The following MACC1 variants were observed in gnomAD, a reference collection of about 807,000 sequenced individuals.
The protein encoded by MACC1 is MET transcriptional regulator MACC1.
MACC1 carries 79 observed loss-of-function variants against 70.7 expected under a neutral mutation model. The ratio of observed to expected loss-of-function variants is 1.12; its 90% CI spans 0.93 to 1.35. The LOEUF (loss-of-function observed/expected upper bound fraction) is 1.35, where lower values mean the gene tolerates loss of function less well. MACC1 is among the 40% of genes most tolerant of loss of function. MACC1 has a pLI of 0.00. For synonymous variants in MACC1, 361 were observed against 347.2 expected, an observed-to-expected ratio of 1.04 and a Z score of -0.44; for missense variants, 1,106 against 978.1, an observed-to-expected ratio of 1.13 and a Z score of -1.74.
rs186887951 is a variant in MACC1, at chr7:20,199,554, C to G, written c.-218+17745G>C. Among the ~76,000 whole-genome samples, 755 of 152,304 alleles carry G rather than the reference C, an allele frequency of 5.0e-3. 3 individuals are homozygous for G. Among genetic ancestry groups the G allele is most frequent in the African/African-American group, 0.018 (729 of 41,566 alleles). On this transcript the variant is annotated intron_variant, in intron 1 of 6. Coordinates refer to ENST00000400331, the MANE Select transcript of MACC1 (RefSeq NM_182762.4). ...CCTCTCCAACACCACTATCCTCCAC[C>G]CACACCCTTGTCACATAATCATCAG...
intron 2 of MACC1, among the ~76,000 whole-genome samples, chr7:20,166,009 A>G (rs1406857265): frequency 6.6e-6 from 1 of 152,206 alleles, no homozygotes; most frequent in Admixed American, 6.5e-5. Context: ...TGTTTGGAAT[A>G]AGTAACCAAG....
At chr7:20,164,893 C>CTTT (rs5882730) in intron 2 of MACC1, among the ~76,000 whole-genome samples, 128 of 148,806 alleles carry the variant, frequency 8.6e-4, no homozygotes, top group African/African-American at 2.3e-3. Flanking sequence ...TACCTAAACT[C>CTTT]TTTTTTTTTT....
At chr7:20,161,672 T>C in intron 4 of MACC1, 76 bp downstream of exon 4, 1 of 825,542 alleles carries the variant, frequency 1.2e-6, no homozygotes, top group East Asian at 2.5e-5. Context: ...TTTTCAGAGG[T>C]AGACCTTCAA....
chr7:20,172,103 C>A (rs755827469), intron 1 of MACC1, among the ~76,000 whole-genome samples: 8 of 152,208 alleles, frequency 5.3e-5, no homozygotes, highest in African/African-American at 2.4e-5. Context: ...AGTTCTCCCA[C>A]ACAATCTTCA....
At chr7:20,204,578 A>G (rs950045109) in intron 1 of MACC1, among the ~76,000 whole-genome samples, 5 of 152,216 alleles carry the variant, frequency 3.3e-5, no homozygotes, top group African/African-American at 1.2e-4. Context: ...CACTTCCCAC[A>G]TAACTGATCA....
At position 20,140,882 on chromosome 7, in the gene MACC1, C is replaced by CAG. The variant is rs1781789373; in HGVS notation, c.*62_*63dup. ...ACACAGAGACACACACAGACACACA[C>CAG]AGACACACACACACACACACCATTA... On this transcript the variant is annotated 3_prime_UTR_variant, in exon 7 of 7. Transcript: ENST00000400331. 8.8e-6 allele frequency: 8 copies of CAG among 910,940 alleles called. No individual in the cohort carries two copies. The highest frequency in any genetic ancestry group is 5.4e-5 in the Admixed American group (2 of 37,342). 56.4% of individuals were successfully genotyped at this position (910,940 alleles called of 1,614,324 possible).
At chr7:20,188,984 G>A (rs762107164) in intron 1 of MACC1, among the ~76,000 whole-genome samples, 10 of 152,076 alleles carry the variant, frequency 6.6e-5, no homozygotes, top group Non-Finnish European at 1.0e-4. Context: ...ATCATCTCAC[G>A]TAGACTCTAG....
rs770888163 is a variant in MACC1, at chr7:20,140,826, GACAC to G, written c.*116_*119del. On this transcript the variant is annotated 3_prime_UTR_variant, in exon 7 of 7. Transcript: ENST00000400331. ...CTACACACACACACACACACACACA[GACAC>G]ACACACACAGACACACACACACAGA... 7 of 535,028 alleles carry G rather than the reference GACAC, an allele frequency of 1.3e-5. No individual in the cohort carries two copies. Among genetic ancestry groups the G allele is most frequent in the Non-Finnish European group, 2.1e-5 (7 of 329,776 alleles). The allele number at this position is 535,028 out of a possible 1,614,324, so 33.1% of individuals were successfully genotyped here. A position where few individuals can be genotyped will look rare whatever the true frequency, so the allele number is the denominator to read the frequency against.
chr7:20,136,935 TATA>T lies in MACC1; in HGVS notation c.*4008_*4010del, dbSNP rs1781727015. ...AAGATTATTAATTATAATATTAAAT[TATA>T]ATTATTAATTCTTAAAGATTATGAA... On this transcript the variant is annotated 3_prime_UTR_variant, in exon 7 of 7. Coordinates refer to ENST00000400331, the MANE Select transcript of MACC1 (RefSeq NM_182762.4). 1.4e-5 allele frequency: 2 copies of T among 148,074 alleles called. No homozygotes were observed. The highest frequency in any genetic ancestry group is 4.9e-5 in the African/African-American group (2 of 40,878). The allele number at this position is 148,074 out of a possible 1,614,324, so 9.2% of individuals were successfully genotyped here. A position where few individuals can be genotyped will look rare whatever the true frequency, so the allele number is the denominator to read the frequency against.
At chr7:20,196,382 G>A (rs887527281) in intron 1 of MACC1, among the ~76,000 whole-genome samples, 1 of 151,854 alleles carries the variant, frequency 6.6e-6, no homozygotes, top group Non-Finnish European at 1.5e-5. Context: ...GGGTTTCACC[G>A]TGTTAGCCAG....
Position 20,177,532 on chromosome 7 carries a change from T to A in MACC1, c.-217-6754A>T, listed in dbSNP as rs116033329. Among the ~76,000 whole-genome samples the A allele has an allele frequency of 4.0e-3, 608 of 152,222 alleles. 3 individuals carry two copies. The highest frequency in any genetic ancestry group is 0.014 in the African/African-American group (579 of 41,578). On this transcript the variant is annotated intron_variant, in intron 1 of 6. Coordinates refer to ENST00000400331, the MANE Select transcript of MACC1 (RefSeq NM_182762.4). Reference sequence around the variant, plus strand: ...TTTCTTAGGATTTTTTCTTTGTTTTTCTCTGGTGTTTCTCTTTATCCCTAT... The same window carrying A: ...TTTCTTAGGATTTTTTCTTTGTTTTACTCTGGTGTTTCTCTTTATCCCTAT...
chr7:20,167,169 C>T (rs1457825168), intron 2 of MACC1, among the ~76,000 whole-genome samples: 1 of 151,798 alleles, frequency 6.6e-6, no homozygotes, highest in Non-Finnish European at 1.5e-5. Flanking sequence ...GTTGGCTCTA[C>T]CATCATCCTT....
At chr7:20,170,061 A>G (rs1240175091) in intron 2 of MACC1, among the ~76,000 whole-genome samples, 1 of 152,204 alleles carries the variant, frequency 6.6e-6, no homozygotes, top group East Asian at 1.9e-4. Flanking sequence ...AAATTTTACC[A>G]GTGCCATGAT....
At chr7:20,147,295 C>G (rs1781906863) in intron 6 of MACC1, 1 of 152,120 alleles carries the variant, frequency 6.6e-6, no homozygotes, top group African/African-American at 2.4e-5. Flanking sequence ...CAGCATAGCA[C>G]TGTATGTCTT....
intron 4 of MACC1, among the ~76,000 whole-genome samples, chr7:20,161,237 C>G (rs1022046849): frequency 6.6e-6 from 1 of 152,032 alleles, no homozygotes; most frequent in Admixed American, 6.6e-5. Context: ...AAAAATAATT[C>G]AAGCAAACTG....
At chr7:20,141,941 G>GCA (rs140534791) in intron 6 of MACC1, 25,053 of 143,838 alleles carry the variant, frequency 0.17, 2,927 homozygotes, top group East Asian at 0.56. Flanking sequence ...ACACACACAC[G>GCA]CACACACACA....
rs149259312 is a variant in MACC1, at chr7:20,164,912, A to G, written c.-152-513T>C. On this transcript the variant is annotated intron_variant, in intron 2 of 6. Transcript: ENST00000400331. ...TAAACTCTTTTTTTTTTTATGAGGA[A>G]AGAGCAAAATGAGCAATATGTACTG... Among the ~76,000 whole-genome samples the G allele has an allele frequency of 2.0e-4, 31 of 152,078 alleles. No individual in the cohort carries two copies. In the East Asian group the frequency reaches 5.8e-3, roughly 28 times the overall value.
At chr7:20,194,616 C>G (rs1212873380) in intron 1 of MACC1, among the ~76,000 whole-genome samples, 2 of 152,212 alleles carry the variant, frequency 1.3e-5, no homozygotes, top group Admixed American at 1.3e-4. Context: ...TTAAGCAAAT[C>G]CATCTCAGGA....
intron 1 of MACC1, among the ~76,000 whole-genome samples, chr7:20,185,903 C>T (rs2128106425): frequency 6.6e-6 from 1 of 152,318 alleles, no homozygotes; most frequent in South Asian, 2.1e-4. Context: ...TACCCAACAT[C>T]ATCCCGGTAG....
Sources: allele counts gnomAD v4.1 joint callset (sites outside exome capture counted in the v4.1 genomes callset), GRCh38; gene constraint gnomAD v4.1.1; transcripts MANE v1.5; gene names NCBI Gene and HGNC (gene_info 2026-07-23, HGNC 2026-07-21).